Variants in DGKB observed in about 807,000 individuals in gnomAD.
The protein encoded by DGKB is 90 kDa diacylglycerol kinase.
A neutral mutation model predicts 114.3 loss-of-function variants in DGKB; 67 were observed. That is an observed-to-expected ratio of 0.59 (90% CI 0.48 to 0.72). DGKB has a LOEUF of 0.72. Ranked by LOEUF, DGKB falls within the 30% of genes least tolerant of loss-of-function variation. The pLI is 0.00. For missense variants in DGKB, 907 were observed against 975.2 expected, an observed-to-expected ratio of 0.93 and a Z score of 0.93; for synonymous variants, 398 against 323.1, an observed-to-expected ratio of 1.23 and a Z score of -2.49.
At chr7:14,952,955 G>T (rs1400006148) in intron 1 of DGKB, among the ~76,000 whole-genome samples, 4 of 152,014 alleles carry the variant, frequency 2.6e-5, no homozygotes, top group African/African-American at 7.2e-5. Flanking sequence ...AAACAATTCA[G>T]TGGGGGAAAT....
Position 14,798,214 on chromosome 7 carries a change from G to T in DGKB, c.71-40483C>A, listed in dbSNP as rs186597924. Among the ~76,000 whole-genome samples the T allele has an allele frequency of 3.6e-3, 544 of 152,282 alleles. 1 individual carries two copies. Among genetic ancestry groups the T allele is most frequent in the Non-Finnish European group, 6.0e-3 (410 of 68,020 alleles). ...TGGACTCTATCCGGAACTGTCAGTT[G>T]TGTTTTCAGGATTTAAACTGTCCTT... On this transcript the variant is annotated intron_variant, in intron 2 of 25. Coordinates refer to ENST00000402815, the MANE Select transcript of DGKB (RefSeq NM_001350709.2).
rs541995257 is a variant in DGKB, at chr7:14,883,674, T to C, written c.-188+18918A>G. ...TTGAACAAATTTGAGAGTCCCTTTT[T>C]CGGAACCTTTATGAAAAGAAGAAAC... On this transcript the variant is annotated intron_variant, in intron 1 of 25. Transcript: ENST00000402815. 2.6e-5 allele frequency among the ~76,000 whole-genome samples: 4 copies of C among 152,036 alleles called. No homozygotes were observed. In the East Asian group the frequency reaches 5.8e-4, roughly 22 times the overall value.
At chr7:14,959,928 C>T (rs1255785008) in intron 1 of DGKB, among the ~76,000 whole-genome samples, 1 of 151,980 alleles carries the variant, frequency 6.6e-6, no homozygotes, top group Non-Finnish European at 1.5e-5. Flanking sequence ...TTTCCTTAAG[C>T]AAAATGATTC....
intron 14 of DGKB, among the ~76,000 whole-genome samples, chr7:14,627,902 C>T (rs1038856633): frequency 5.3e-5 from 8 of 151,362 alleles, no homozygotes; most frequent in Admixed American, 4.6e-4. Context: ...GAGATCATGC[C>T]ACTGTACTCC....
chr7:14,801,937 C>T (rs916856385), intron 2 of DGKB, among the ~76,000 whole-genome samples: 1 of 151,454 alleles, frequency 6.6e-6, no homozygotes, highest in Admixed American at 6.6e-5. Flanking sequence ...CACACACACA[C>T]ACACACACAC....
At chr7:14,372,838 A>G (rs1817881773) in intron 21 of DGKB, among the ~76,000 whole-genome samples, 1 of 152,122 alleles carries the variant, frequency 6.6e-6, no homozygotes, top group East Asian at 1.9e-4. Flanking sequence ...CTGCCCATCC[A>G]TATCTGTTTT....
At chr7:14,206,294 AG>A (rs1316108536) in intron 23 of DGKB, among the ~76,000 whole-genome samples, 4 of 152,018 alleles carry the variant, frequency 2.6e-5, no homozygotes, top group Non-Finnish European at 5.9e-5. Flanking sequence ...ACCAACCTTA[AG>A]GGAAGATTTG....
At chr7:14,745,746 T>G (rs867464083) in intron 4 of DGKB, among the ~76,000 whole-genome samples, 28 of 152,128 alleles carry the variant, frequency 1.8e-4, no homozygotes, top group Admixed American at 8.5e-4. Context: ...ACCCCTCTCT[T>G]TTCTGAGCAC....
At chr7:14,470,526 A>C (rs1781126724) in intron 21 of DGKB, among the ~76,000 whole-genome samples, 2 of 151,886 alleles carry the variant, frequency 1.3e-5, no homozygotes, top group Admixed American at 1.3e-4. Context: ...TCAGTAATTT[A>C]AAAATCAATT....
chr7:14,562,733 C>T (rs1377886576), intron 20 of DGKB, among the ~76,000 whole-genome samples: 1 of 152,176 alleles, frequency 6.6e-6, no homozygotes, highest in African/African-American at 2.4e-5. Context: ...CCCATTGTAT[C>T]TAGGAAGCAA....
At chr7:14,227,594 A>G (rs987687718) in intron 23 of DGKB, among the ~76,000 whole-genome samples, 1 of 152,070 alleles carries the variant, frequency 6.6e-6, no homozygotes, top group Non-Finnish European at 1.5e-5. Flanking sequence ...CAGAAAATAG[A>G]AGAAGGAAGG....
At chr7:14,904,865 G>A (rs889585884), upstream of DGKB, among the ~76,000 whole-genome samples, 1 of 152,058 alleles carries the variant, frequency 6.6e-6, no homozygotes. Context: ...TAAGGAAGTA[G>A]GCACAAGAAG....
intron 23 of DGKB, among the ~76,000 whole-genome samples, chr7:14,315,007 C>T (rs1240270424): frequency 6.6e-6 from 1 of 151,692 alleles, no homozygotes; most frequent in African/African-American, 2.4e-5. Flanking sequence ...AATTTTCAAC[C>T]CAGAATTTCA....
intron 1 of DGKB, among the ~76,000 whole-genome samples, chr7:14,855,517 G>A (rs1190548192): frequency 1.3e-5 from 2 of 152,020 alleles, no homozygotes; most frequent in African/African-American, 4.8e-5. Context: ...AAGCACACGT[G>A]CATTCACACA....
chr7:14,503,136 T>C (rs1786467604), intron 20 of DGKB, among the ~76,000 whole-genome samples: 2 of 152,128 alleles, frequency 1.3e-5, no homozygotes, highest in African/African-American at 2.4e-5. Context: ...TGTTGCTCAA[T>C]TGCTCAAAAA....
chr7:14,907,152 T>C (rs987008135), upstream of DGKB, among the ~76,000 whole-genome samples: 10 of 152,176 alleles, frequency 6.6e-5, no homozygotes, highest in African/African-American at 2.4e-4. Context: ...AAAGACATGA[T>C]ATTATTGCAC....
chr7:14,392,925 CA>C (rs1821540714), intron 21 of DGKB, among the ~76,000 whole-genome samples: 1 of 150,628 alleles, frequency 6.6e-6, no homozygotes, highest in African/African-American at 2.4e-5. Context: ...TGTGCTACAT[CA>C]AAAGCATTTC....
chr7:14,201,103 G>A (rs946981072), intron 23 of DGKB, among the ~76,000 whole-genome samples: 1 of 151,960 alleles, frequency 6.6e-6, no homozygotes, highest in African/African-American at 2.4e-5. Context: ...CACAGTTCTG[G>A]AGGCTGGAAA....
intron 21 of DGKB, among the ~76,000 whole-genome samples, chr7:14,477,401 T>C (rs376885639): frequency 1.3e-5 from 2 of 152,278 alleles, no homozygotes; most frequent in African/African-American, 4.8e-5. Context: ...TATACAGAAA[T>C]GCTAGTTATG....
Sources: gnomAD v4.1 joint callset for allele counts (sites outside exome capture counted in the v4.1 genomes callset) on GRCh38, gnomAD v4.1.1 for gene constraint, MANE v1.5 for transcripts, NCBI Gene and HGNC (gene_info 2026-07-23, HGNC 2026-07-21) for gene names.